The following PRKN variants were observed in gnomAD, a reference collection of about 807,000 sequenced individuals.
PRKN encodes E3 ubiquitin-protein ligase parkin.
PRKN carries 56 observed loss-of-function variants against 59.5 expected under a neutral mutation model. The ratio of observed to expected loss-of-function variants is 0.94; its 90% CI spans 0.76 to 1.18. The LOEUF is 1.18. Ranked by LOEUF, PRKN falls within the 50% of genes most tolerant of loss-of-function variation. The pLI, the probability that PRKN is intolerant of heterozygous loss-of-function variation, is 0.00. For missense variants in PRKN, 657 were observed against 596.4 expected (o/e 1.10, Z -1.06); for synonymous variants, 250 against 222.1 (o/e 1.13, Z -1.12).
chr6:162,353,635 T>C (rs975066440), intron 2 of PRKN, among the ~76,000 whole-genome samples: 10 of 152,104 alleles, frequency 6.6e-5, no homozygotes, highest in African/African-American at 2.4e-4. Flanking sequence ...TAATCAACTA[T>C]GTAGTTTACC....
At chr6:162,680,402 T>C (rs12660776) in intron 1 of PRKN, among the ~76,000 whole-genome samples, 9,503 of 151,224 alleles carry the variant, frequency 0.063, 406 homozygotes, top group Middle Eastern at 0.12. Context: ...ATACTATATA[T>C]ATGTACACAC....
At chr6:162,375,135 A>T (rs555791260) in intron 2 of PRKN, among the ~76,000 whole-genome samples, 8 of 152,096 alleles carry the variant, frequency 5.3e-5, no homozygotes, top group African/African-American at 9.7e-5. Flanking sequence ...ATTTATAATG[A>T]CTGTCCCATT....
chr6:161,807,128 C>T lies in PRKN; in HGVS notation c.735-21220G>A, dbSNP rs569435607. Among the ~76,000 whole-genome samples the T allele has an allele frequency of 6.6e-5, 10 of 152,238 alleles. No homozygotes were observed. The East Asian group carries it at 1.9e-3, about 29-fold the overall frequency. ...TTTGTTAGGTTTATGTTTAATTAGCCAAGTGTTACATTGAGGATATGAGAA... is the reference window on the plus strand; with the variant it reads ...TTTGTTAGGTTTATGTTTAATTAGCTAAGTGTTACATTGAGGATATGAGAA... On this transcript the variant is annotated intron_variant, in intron 6 of 11. Coordinates refer to ENST00000366898, the MANE Select transcript of PRKN (RefSeq NM_004562.3).
At chr6:162,226,063 TTAATAA>T (rs746613563) in intron 3 of PRKN, among the ~76,000 whole-genome samples, 5,822 of 141,192 alleles carry the variant, frequency 0.041, 125 homozygotes, top group East Asian at 0.077. Context: ...ATCAATAAGT[TTAATAA>T]TAATAATAAT....
At chr6:162,403,938 AGGCTTACCTGTTTTTTTCAT>A (rs1251379585) in intron 2 of PRKN, among the ~76,000 whole-genome samples, 3 of 152,130 alleles carry the variant, frequency 2.0e-5, no homozygotes, top group Non-Finnish European at 4.4e-5. Flanking sequence ...CTGGTGGTGA[AGGCTTACCTGTTTTTTTCAT>A]GGCATTAAAC....
intron 1 of PRKN, among the ~76,000 whole-genome samples, chr6:162,501,038 A>G (rs1793340471): frequency 6.6e-6 from 1 of 152,130 alleles, no homozygotes; most frequent in Non-Finnish European, 1.5e-5. Context: ...ATGGTGTTGA[A>G]TGCCTGTAGT....
chr6:162,322,884 T>C (rs1783090618), intron 2 of PRKN, among the ~76,000 whole-genome samples: 1 of 151,864 alleles, frequency 6.6e-6, no homozygotes, highest in Non-Finnish European at 1.5e-5. Context: ...TGGAATACTA[T>C]GCAGCCATAA....
Position 162,201,220 on chromosome 6 carries a change from A to G in PRKN, c.445T>C (p.Tyr149His), listed in dbSNP as rs781548251. 1 of 1,613,976 alleles carries G rather than the reference A, an allele frequency of 6.2e-7. No homozygotes were observed. The highest frequency in any genetic ancestry group is 8.5e-7 in the Non-Finnish European group (1 of 1,179,866). The change falls in exon 4 of 12, where the codon TAT becomes CAT. Residue 149 changes from tyrosine (Y) to histidine (H), a missense_variant. Tyr to His is a moderately conservative substitution (Grantham distance 83, BLOSUM62 2). Coordinates refer to ENST00000366898, the MANE Select transcript of PRKN (RefSeq NM_004562.3). ...GRSIYNSFYV[Y>H]CKGPCQRVQP... The stretch of plus-strand genomic sequence containing the variant: ...ACTCTTTGACAGGGGCCTTTGCAAT[A>G]CACATAAAAGCTGTTGTAGATTGAT...
chr6:162,464,810 C>A (rs1481329214), intron 1 of PRKN, among the ~76,000 whole-genome samples: 1 of 150,604 alleles, frequency 6.6e-6, no homozygotes, highest in African/African-American at 2.4e-5. Flanking sequence ...GCCTGGGCAA[C>A]AGAGTGAGAT....
At chr6:161,368,975 G>T (rs374048552) in intron 10 of PRKN, among the ~76,000 whole-genome samples, 1 of 152,144 alleles carries the variant, frequency 6.6e-6, no homozygotes, top group East Asian at 1.9e-4. Flanking sequence ...GGATCCACGG[G>T]GAGGGAGGGG....
intron 2 of PRKN, among the ~76,000 whole-genome samples, chr6:162,320,129 C>T (rs191442001): frequency 1.1e-3 from 164 of 151,824 alleles, no homozygotes; most frequent in African/African-American, 3.8e-3. Flanking sequence ...CATGTTGCTG[C>T]AAAGTACATG....
At chr6:161,601,872 G>T (rs890875664) in intron 7 of PRKN, among the ~76,000 whole-genome samples, 1 of 152,112 alleles carries the variant, frequency 6.6e-6, no homozygotes, top group African/African-American at 2.4e-5. Flanking sequence ...ATGAGCCACC[G>T]CGCCCGGCAT....
intron 6 of PRKN, among the ~76,000 whole-genome samples, chr6:161,885,534 G>A (rs183138376): frequency 5.7e-4 from 87 of 151,994 alleles, no homozygotes; most frequent in African/African-American, 1.7e-3. Flanking sequence ...GCGTGGTGGC[G>A]GGCCCCTGTA....
intron 2 of PRKN, among the ~76,000 whole-genome samples, chr6:162,315,262 A>G (rs1000718601): frequency 1.3e-5 from 2 of 152,266 alleles, no homozygotes; most frequent in African/African-American, 2.4e-5. Flanking sequence ...CTGCATTACA[A>G]TTTTTCAATA....
At chr6:162,500,465 C>T (rs1793315670) in intron 1 of PRKN, among the ~76,000 whole-genome samples, 1 of 152,194 alleles carries the variant, frequency 6.6e-6, no homozygotes, top group South Asian at 2.1e-4. Context: ...AGCCACTGCG[C>T]CCGGCCCAAA....
At chr6:161,716,286 A>AT (rs1015147580) in intron 7 of PRKN, among the ~76,000 whole-genome samples, 16 of 152,202 alleles carry the variant, frequency 1.1e-4, no homozygotes, top group African/African-American at 3.9e-4. Flanking sequence ...AACTAGAGGC[A>AT]TTTTCTGGGC....
intron 5 of PRKN, among the ~76,000 whole-genome samples, chr6:162,016,124 G>A (rs1782923979): frequency 1.4e-5 from 2 of 146,870 alleles, no homozygotes; most frequent in Admixed American, 1.4e-4. Context: ...GAAATAAAAG[G>A]TGGGACTAAT....
intron 2 of PRKN, among the ~76,000 whole-genome samples, chr6:162,434,261 C>T (rs1337357875): frequency 6.6e-6 from 1 of 152,156 alleles, no homozygotes; most frequent in Non-Finnish European, 1.5e-5. Context: ...TATACTGACA[C>T]CAACTTTATA....
chr6:161,986,386 T>C (rs1361300178), intron 5 of PRKN, among the ~76,000 whole-genome samples: 1 of 152,186 alleles, frequency 6.6e-6, no homozygotes, highest in African/African-American at 2.4e-5. Flanking sequence ...AAAAACCCTC[T>C]TGAGCTAATC....
Sources: allele counts gnomAD v4.1 joint callset (sites outside exome capture counted in the v4.1 genomes callset), GRCh38; gene constraint gnomAD v4.1.1; transcripts MANE v1.5; gene names NCBI Gene and HGNC (gene_info 2026-07-23, HGNC 2026-07-21).